The following MRPS9 variants were observed in gnomAD, a reference collection of about 807,000 sequenced individuals.
MRPS9 encodes mitochondrial ribosomal protein S9, also known as small ribosomal subunit protein uS9m.
In MRPS9, 45 loss-of-function variants were observed where a neutral mutation model predicts 59.9. The observed-to-expected ratio is 0.75, with a 90% CI of 0.59 to 0.96. The LOEUF is 0.96. Among genes scored for constraint, MRPS9 ranks in the 40% least tolerant of loss-of-function variants. The probability of loss-of-function intolerance (pLI) is 0.00; values close to 1 mark genes in which losing one functional copy is unlikely to be tolerated. For synonymous variants in MRPS9, 171 were observed against 166.8 expected (o/e 1.03, Z -0.19); for missense variants, 473 against 481.1 (o/e 0.98, Z 0.16).
chr2:105,094,592 A>G (rs891983936), intron 9 of MRPS9, among the ~76,000 whole-genome samples: 10 of 152,228 alleles, frequency 6.6e-5, no homozygotes, highest in Admixed American at 5.9e-4. Flanking sequence ...TCTGGACACA[A>G]TAATTATTTT....
intron 4 of MRPS9, among the ~76,000 whole-genome samples, chr2:105,078,382 GACTCA>G (rs1273586238): frequency 2.0e-5 from 3 of 151,354 alleles, no homozygotes; most frequent in African/African-American, 4.9e-5. Flanking sequence ...CATGATATGA[GACTCA>G]ACTCAAGCAT....
intron 2 of MRPS9, among the ~76,000 whole-genome samples, chr2:105,058,840 C>T (rs1351719175): frequency 6.6e-6 from 1 of 151,950 alleles, no homozygotes; most frequent in Non-Finnish European, 1.5e-5. Flanking sequence ...CCACCATGCT[C>T]AGCTAATTTT....
chr2:105,062,750 C>T (rs961494779), intron 2 of MRPS9, among the ~76,000 whole-genome samples: 1 of 152,148 alleles, frequency 6.6e-6, no homozygotes, highest in African/African-American at 2.4e-5. Flanking sequence ...TGAAAATTTA[C>T]TTCCTCGGTT....
chr2:105,065,957 G>A (rs1679991725), intron 2 of MRPS9, among the ~76,000 whole-genome samples: 1 of 98,718 alleles, frequency 1.0e-5, no homozygotes, highest in Non-Finnish European at 2.5e-5. Context: ...AAAAGAAAAA[G>A]AAAGAAAAAG....
chr2:105,098,131 C>G (rs969869460), intron 10 of MRPS9: 1 of 152,240 alleles, frequency 6.6e-6, no homozygotes, highest in Middle Eastern at 3.4e-3. Context: ...TCTGTGTAAC[C>G]CTGTTACCTG....
chr2:105,039,062 T>G (rs1164867258), intron 1 of MRPS9, among the ~76,000 whole-genome samples: 1 of 151,480 alleles, frequency 6.6e-6, no homozygotes, highest in Non-Finnish European at 1.5e-5. Context: ...GAAGGACAAA[T>G]AAGAAATAAG....
chr2:105,091,592 A>G (rs550035295), intron 7 of MRPS9, among the ~76,000 whole-genome samples: 29 of 152,228 alleles, frequency 1.9e-4, no homozygotes, highest in Non-Finnish European at 4.1e-4. Context: ...GGCAGTAGTG[A>G]CAAAGATGAG....
At chr2:105,079,396 G>A (rs146905444) in intron 4 of MRPS9, among the ~76,000 whole-genome samples, 35 of 152,184 alleles carry the variant, frequency 2.3e-4, no homozygotes, top group African/African-American at 7.7e-4. Context: ...TTTGCTTGGT[G>A]GTGGTTAGTT....
At chr2:105,079,928 T>A in intron 4 of MRPS9, 55 bp from the exon 5 acceptor site, 1 of 1,255,628 alleles carries the variant, frequency 8.0e-7, no homozygotes, top group Non-Finnish European at 1.1e-6. Context: ...ATGCAGCTAT[T>A]TGGTCTGTCT....
At chr2:105,044,086 A>T (rs1458208750) in intron 1 of MRPS9, among the ~76,000 whole-genome samples, 1 of 151,362 alleles carries the variant, frequency 6.6e-6, no homozygotes, top group Non-Finnish European at 1.5e-5. Context: ...TAGGTGCCTG[A>T]CACCATGCCC....
rs58438490 is a variant in MRPS9 at position 105,084,247 on chromosome 2, A to AATATATATATATATAT, written c.489+4192_489+4207dup. Among the ~76,000 whole-genome samples the AATATATATATATATAT allele has an allele frequency of 1.7e-3, 234 of 139,564 alleles. 2 individuals carry two copies. The highest frequency in any genetic ancestry group is 4.5e-3 in the African/African-American group (173 of 38,242). 91.6% of individuals were successfully genotyped at this position (139,564 alleles called of 152,430 possible). On this transcript the variant is annotated intron_variant, in intron 5 of 10. Coordinates refer to ENST00000258455, the MANE Select transcript of MRPS9 (RefSeq NM_182640.3). ...TGGCCACAGATGAAATATATACCAA[A>AATATATATATATATAT]ATATATATATATATATATATATGTA...
chr2:105,070,694 A>G (rs1050927454), intron 2 of MRPS9, among the ~76,000 whole-genome samples: 2 of 152,176 alleles, frequency 1.3e-5, no homozygotes, highest in Admixed American at 6.6e-5. Context: ...GAGATTTGTC[A>G]TGAGCACTGG....
At chr2:105,084,328 A>G (rs1013118393) in intron 5 of MRPS9, among the ~76,000 whole-genome samples, 2 of 151,400 alleles carry the variant, frequency 1.3e-5, no homozygotes, top group African/African-American at 4.8e-5. Flanking sequence ...GGTAATTCTA[A>G]TCCTTGTAAC....
At chr2:105,095,714 C>T (rs995972327) in intron 9 of MRPS9, among the ~76,000 whole-genome samples, 2 of 151,896 alleles carry the variant, frequency 1.3e-5, no homozygotes, top group Admixed American at 6.6e-5. Flanking sequence ...TCAGACTGGT[C>T]TCAAACTCCC....
intron 4 of MRPS9, 93 bp downstream of exon 4, chr2:105,071,582 G>A (rs1329607644): frequency 1.8e-5 from 23 of 1,243,550 alleles, no homozygotes; most frequent in Non-Finnish European, 2.6e-5. Context: ...ATCGTAGGGT[G>A]GCCTTCCTGT....
At chr2:105,092,322 A>T in intron 7 of MRPS9, 79 bp from the exon 8 acceptor site, 1 of 1,312,306 alleles carries the variant, frequency 7.6e-7, no homozygotes, top group Non-Finnish European at 1.0e-6. Flanking sequence ...CATTGGAAAG[A>T]TCAAGTATGC....
intron 2 of MRPS9, among the ~76,000 whole-genome samples, chr2:105,061,214 C>T (rs928667850): frequency 1.3e-5 from 2 of 151,664 alleles, no homozygotes; most frequent in Non-Finnish European, 2.9e-5. Flanking sequence ...CCCTAACAGA[C>T]CAGCTTACAG....
chr2:105,054,150 T>G (rs534031063), intron 2 of MRPS9, among the ~76,000 whole-genome samples: 1 of 152,328 alleles, frequency 6.6e-6, no homozygotes, highest in African/African-American at 2.4e-5. Context: ...CTTGATTTTC[T>G]TATCTCTAAA....
chr2:105,045,935 G>A (rs1410759877), intron 1 of MRPS9, among the ~76,000 whole-genome samples: 2 of 152,016 alleles, frequency 1.3e-5, no homozygotes, highest in African/African-American at 4.8e-5. Flanking sequence ...TGCGATCTTG[G>A]CTAACTGCAA....
Sources: allele counts gnomAD v4.1 joint callset (sites outside exome capture counted in the v4.1 genomes callset), GRCh38; gene constraint gnomAD v4.1.1; transcripts MANE v1.5; gene names NCBI Gene and HGNC (gene_info 2026-07-23, HGNC 2026-07-21).